The following ZPBP2 variants were observed in gnomAD, a reference collection of about 807,000 sequenced individuals.
ZPBP2 encodes the protein zona pellucida-binding protein 2.
In ZPBP2, 34 loss-of-function variants were observed where a neutral mutation model predicts 37.5. The observed-to-expected ratio is 0.91, with a 90% CI of 0.69 to 1.21. The LOEUF (loss-of-function observed/expected upper bound fraction) is 1.21, where lower values mean the gene tolerates loss of function less well. ZPBP2 is among the 50% of genes most tolerant of loss of function. The pLI is 0.00. For synonymous variants in ZPBP2, 143 were observed against 138.4 expected (o/e 1.03, Z -0.23); for missense variants, 397 against 413.5 (o/e 0.96, Z 0.35).
intron 2 of ZPBP2, 143 bp downstream of exon 2, chr17:39,868,757 G>A: frequency 3.3e-6 from 3 of 912,570 alleles, no homozygotes; most frequent in Non-Finnish European, 3.4e-6. Context: ...GGCAGTTCAC[G>A]ACGGTCGCAT....
intron 3 of ZPBP2, among the ~76,000 whole-genome samples, chr17:39,871,204 A>G (rs753028603): frequency 5.3e-4 from 81 of 152,266 alleles, no homozygotes; most frequent in Middle Eastern, 3.4e-3. Context: ...GAGCAGTGCA[A>G]TCTCTTTTTC....
intron 2 of ZPBP2, 118 bp downstream of exon 2, chr17:39,868,732 A>G: frequency 3.5e-6 from 4 of 1,131,710 alleles, no homozygotes; most frequent in South Asian, 1.3e-5. Context: ...CATCTATTAT[A>G]CTAAGCATCT....
Position 39,871,482 on chromosome 17 carries a change from T to C in ZPBP2, c.263T>C (p.Ile88Thr), listed in dbSNP as rs753816422. 5 of 1,591,140 alleles carry C rather than the reference T, an allele frequency of 3.1e-6. No homozygotes were observed. The highest frequency in any genetic ancestry group is 1.7e-4 in the Middle Eastern group (1 of 5,760). Residue 88 changes from isoleucine to threonine, a missense_variant, in exon 4 of 8, where the codon ATA becomes ACA. Physicochemically the swap from Ile to Thr is moderately conservative, Grantham distance 89 (BLOSUM62 -1). Coordinates refer to ENST00000348931, the MANE Select transcript of ZPBP2 (RefSeq NM_199321.3). ...TGTTTAGGAAATAATAGAATAAATA[T>C]AACTGAAACTGGACAGCTGATGGTG... ...KTLTGNNRIN[I>T]TETGQLMVKD...
rs541784954 is a variant in ZPBP2, at chr17:39,876,478, A to G, written c.890-204A>G. Among the ~76,000 whole-genome samples, 17 of 152,322 alleles carry G rather than the reference A, an allele frequency of 1.1e-4. No individual in the cohort carries two copies. The South Asian group carries it at 1.7e-3, about 15-fold the overall frequency. On this transcript the variant is annotated intron_variant, in intron 7 of 7. Transcript: ENST00000348931. ...AAAAATAGGATTCTCACTTTCTCCT[A>G]TCTTTAAGATCATCAAATTATAAAG...
intron 4 of ZPBP2, 142 bp from the exon 5 acceptor site, chr17:39,872,128 C>T: frequency 1.7e-6 from 1 of 574,154 alleles, no homozygotes. Flanking sequence ...TTTGTGAGGA[C>T]TAACTGATAA....
Position 39,872,382 on chromosome 17 carries a change from T to C in ZPBP2, c.519T>C (p.Ser173=), listed in dbSNP as rs61737283. Residue 173 remains serine (S), a synonymous_variant, in exon 5 of 8, where the codon AGT becomes AGC. Coordinates refer to ENST00000348931, the MANE Select transcript of ZPBP2 (RefSeq NM_199321.3). ...GAGTGCTGAAGAAAATCTTGGATAG[T>C]CTAATTTCTGATTTGTCATGCCATG... ...FFRVLKKILD[S]LISDLSCHVI... 4.9e-3 allele frequency: 7,893 copies of C among 1,613,512 alleles called. 362 individuals are homozygous for C. The African/African-American group carries it at 0.094, about 19-fold the overall frequency.
chr17:39,877,665 C>T lies in ZPBP2; in HGVS notation c.*856C>T, dbSNP rs1428963502. On this transcript the variant is annotated 3_prime_UTR_variant, in exon 8 of 8. Coordinates refer to ENST00000348931, the MANE Select transcript of ZPBP2 (RefSeq NM_199321.3). ...TACAGTTTTGCCTTTTCCAAAATGT[C>T]ATGTAGTTGGTTGGAGTTATGCAGT... The T allele has an allele frequency of 1.3e-5, 2 of 152,154 alleles. No homozygotes were observed. Among genetic ancestry groups the T allele is most frequent in the African/African-American group, 4.8e-5 (2 of 41,440 alleles). 9.4% of individuals were successfully genotyped at this position (152,154 alleles called of 1,614,324 possible). A position where few individuals can be genotyped will look rare whatever the true frequency, so the allele number is the denominator to read the frequency against.
rs1195353858 is a variant in ZPBP2, at chr17:39,868,209, C to T, written c.-146C>T. On this transcript the variant is annotated 5_prime_UTR_variant, in exon 1 of 8. Transcript: ENST00000348931. Reference sequence around the variant, plus strand: ...GCACGCACGCGTTCTCCTGCGCGTCCGCTCCCGCCGTTGCGACGGACGGGT... The same window carrying T: ...GCACGCACGCGTTCTCCTGCGCGTCTGCTCCCGCCGTTGCGACGGACGGGT... 2.4e-6 allele frequency: 2 copies of T among 833,412 alleles called. No homozygotes were observed. Among genetic ancestry groups the T allele is most frequent in the African/African-American group, 1.7e-5 (1 of 59,088 alleles). The allele number at this position is 833,412 out of a possible 1,614,324, so 51.6% of individuals were successfully genotyped here. A position where few individuals can be genotyped will look rare whatever the true frequency, so the allele number is the denominator to read the frequency against.
At chr17:39,869,535 G>A (rs187549822) in intron 2 of ZPBP2, among the ~76,000 whole-genome samples, 91 of 150,828 alleles carry the variant, frequency 6.0e-4, no homozygotes, top group Admixed American at 1.7e-3. Context: ...CTCCCTAGTG[G>A]CTGGGATTAC....
At chr17:39,876,351 C>T (rs188681538) in intron 7 of ZPBP2, among the ~76,000 whole-genome samples, 6 of 152,134 alleles carry the variant, frequency 3.9e-5, no homozygotes, top group Admixed American at 6.5e-5. Context: ...AATGGTCCTA[C>T]CTGGAAAGCA....
At chr17:39,875,628 T>G (rs948639511) in intron 7 of ZPBP2, among the ~76,000 whole-genome samples, 194 bp downstream of exon 7, 4 of 151,388 alleles carry the variant, frequency 2.6e-5, no homozygotes, top group African/African-American at 9.7e-5. Context: ...AGATAGAGTC[T>G]CACTCTTTCA....
intron 4 of ZPBP2, 29 bp downstream of exon 4, chr17:39,871,654 A>G (rs1177498028): frequency 3.3e-6 from 5 of 1,497,716 alleles, no homozygotes; most frequent in Non-Finnish European, 4.5e-6. Context: ...TTTAACTTAT[A>G]CATTTAGTTT....
In ZPBP2 at chr17:39,876,277, C is replaced by T. The variant is rs890657867; in HGVS notation, c.890-405C>T. Among the ~76,000 whole-genome samples the T allele has an allele frequency of 2.0e-5, 3 of 152,012 alleles. No individual in the cohort carries two copies. In the South Asian group the frequency reaches 6.2e-4, roughly 31 times the overall value. ...GTATATTAACTCTTCCTGATGTACT[C>T]TCTTGTATTATAAACATTTCTATAA... On this transcript the variant is annotated intron_variant, in intron 7 of 7. Coordinates refer to ENST00000348931, the MANE Select transcript of ZPBP2 (RefSeq NM_199321.3).
At chr17:39,874,998 C>T (rs1244981290) in intron 6 of ZPBP2, among the ~76,000 whole-genome samples, 1 of 152,204 alleles carries the variant, frequency 6.6e-6, no homozygotes, top group African/African-American at 2.4e-5. Flanking sequence ...ATCTGCCCGC[C>T]TTGGCCTCCC....
At chr17:39,869,405 C>CTTTTTTT (rs1555647285) in intron 2 of ZPBP2, among the ~76,000 whole-genome samples, 1 of 115,136 alleles carries the variant, frequency 8.7e-6, no homozygotes, top group African/African-American at 3.3e-5. Flanking sequence ...TTCCTTCCTT[C>CTTTTTTT]TTTTTTTTTT....
At chr17:39,873,213 A>C (rs2144643392) in intron 6 of ZPBP2, 87 bp downstream of exon 6, 1 of 1,120,594 alleles carries the variant, frequency 8.9e-7, no homozygotes, top group Admixed American at 2.8e-5. Flanking sequence ...CAGTGGTGCG[A>C]CCATAGCTCA....
In ZPBP2 at chr17:39,877,334, A is replaced by C. The variant is rs950340008; in HGVS notation, c.*525A>C. 3 of 152,418 alleles carry C rather than the reference A, an allele frequency of 2.0e-5. No homozygotes were observed. Among genetic ancestry groups the C allele is most frequent in the African/African-American group, 7.2e-5 (3 of 41,440 alleles). The allele number at this position is 152,418 out of a possible 1,614,324, so 9.4% of individuals were successfully genotyped here. ...TAGAGCAGATAATATATAGAGTTCC[A>C]TACACCCACTGCACCCCATACCCTC... On this transcript the variant is annotated 3_prime_UTR_variant, in exon 8 of 8. Transcript: ENST00000348931.
rs760859539 is a variant in ZPBP2, at chr17:39,872,322, G to A, written c.459G>A (p.Arg153=). 5.0e-6 allele frequency: 8 copies of A among 1,612,062 alleles called. No individual in the cohort carries two copies. In the South Asian group the frequency reaches 6.6e-5, roughly 13 times the overall value. Residue 153 remains arginine, a synonymous_variant, in exon 5 of 8, where the codon AGG becomes AGA. Transcript: ENST00000348931. The stretch of plus-strand genomic sequence containing the variant: ...AGATGGCTGTACGTTTTACCACAAG[G>A]TCTTGTATAGGGAGATACAATGATG... The part of the protein sequence containing the change: ...SYQMAVRFTT[R]SCIGRYNDVF...
In ZPBP2 at chr17:39,868,246, C is replaced by G; in HGVS notation, c.-109C>G. 1.5e-6 allele frequency: 2 copies of G among 1,299,914 alleles called. No individual in the cohort carries two copies. Among genetic ancestry groups the G allele is most frequent in the Middle Eastern group, 2.8e-4 (1 of 3,612 alleles). 80.5% of individuals were successfully genotyped at this position (1,299,914 alleles called of 1,614,324 possible). ...TGCGACGGACGGGTAGGGGAGGCGA[C>G]CCCGGCGTTCTGCTCCGCACTGTGG... is the stretch of plus-strand genomic sequence containing the variant. On this transcript the variant is annotated 5_prime_UTR_variant, in exon 1 of 8. Coordinates refer to ENST00000348931, the MANE Select transcript of ZPBP2 (RefSeq NM_199321.3).
Sources: gnomAD v4.1 joint callset for allele counts (sites outside exome capture counted in the v4.1 genomes callset) on GRCh38, gnomAD v4.1.1 for gene constraint, MANE v1.5 for transcripts, NCBI Gene and HGNC (gene_info 2026-07-23, HGNC 2026-07-21) for gene names.